Variants in KCNN2 observed in about 807,000 individuals in gnomAD.
KCNN2 encodes the protein small conductance calcium-activated potassium channel protein 2.
Under a neutral mutation model 55.5 loss-of-function variants are expected in KCNN2, and 24 were observed. The ratio of observed to expected loss-of-function variants is 0.43; its 90% confidence interval spans 0.31 to 0.61. KCNN2 has a LOEUF of 0.61. Ranked by LOEUF, KCNN2 falls within the 20% of genes least tolerant of loss-of-function variation. The probability of loss-of-function intolerance (pLI) is 0.08; values close to 1 mark genes in which losing one functional copy is unlikely to be tolerated. For missense variants in KCNN2, 754 were observed against 853.6 expected, an observed-to-expected ratio of 0.88 and a Z score of 1.45; for synonymous variants, 431 against 336.1, an observed-to-expected ratio of 1.28 and a Z score of -3.09.
intron 3 of KCNN2, among the ~76,000 whole-genome samples, chr5:114,420,042 G>C (rs1759427684): frequency 6.6e-6 from 1 of 152,222 alleles, no homozygotes; most frequent in African/African-American, 2.4e-5. Context: ...AATGCAGTAA[G>C]ATATGAAAGA....
chr5:114,321,170 G>A (rs554687285), intron 2 of KCNN2, among the ~76,000 whole-genome samples: 33 of 152,314 alleles, frequency 2.2e-4, no homozygotes, highest in African/African-American at 7.5e-4. Context: ...TGCTGGGGAA[G>A]TCTTGCTTTT....
At chr5:114,170,915 A>C (rs1373363034) in intron 1 of KCNN2, among the ~76,000 whole-genome samples, 1 of 151,930 alleles carries the variant, frequency 6.6e-6, no homozygotes, top group Non-Finnish European at 1.5e-5. Flanking sequence ...CATTATCTCA[A>C]GCTATGCTTT....
rs149811925 is a variant in KCNN2, at chr5:114,413,733, A to C, written c.1637+8877A>C. ...TTAAATTCACGTAGAAAAAACATGA[A>C]AAGCTCAGCAGCTCAGGAATCCAAC... On this transcript the variant is annotated intron_variant, in intron 3 of 7. Transcript: ENST00000673685. Among the ~76,000 whole-genome samples the C allele has an allele frequency of 3.3e-5, 5 of 152,326 alleles. No homozygotes were observed. The East Asian group carries it at 9.6e-4, about 29-fold the overall frequency.
intron 1 of KCNN2, among the ~76,000 whole-genome samples, chr5:114,116,831 A>G (rs934977112): frequency 5.9e-5 from 9 of 152,140 alleles, no homozygotes. Flanking sequence ...TCTTTAAAGA[A>G]TGATTGGATA....
intron 1 of KCNN2, among the ~76,000 whole-genome samples, chr5:114,106,678 T>TTG (rs1174896909): frequency 8.0e-5 from 12 of 150,206 alleles, no homozygotes; most frequent in Non-Finnish European, 1.3e-4. Flanking sequence ...GGATGTCTTT[T>TTG]TGTGTGTGTG....
chr5:114,145,986 C>T (rs1254325194), intron 1 of KCNN2, among the ~76,000 whole-genome samples: 2 of 151,970 alleles, frequency 1.3e-5, no homozygotes, highest in Admixed American at 6.6e-5. Context: ...TTCTCTGTCT[C>T]GTTGTTGCAT....
chr5:114,232,925 G>GTTTTTTTTGTTTTTT lies in KCNN2; in HGVS notation c.-185+11368_-185+11369insGTTTTTTTTTTTTTT, dbSNP rs554932578. Among the ~76,000 whole-genome samples the GTTTTTTTTGTTTTTT allele has an allele frequency of 9.3e-4, 71 of 76,276 alleles. 3 individuals carry two copies. Among genetic ancestry groups the GTTTTTTTTGTTTTTT allele is most frequent in the African/African-American group, 3.2e-3 (70 of 21,882 alleles). 50.0% of individuals were successfully genotyped at this position (76,276 alleles called of 152,430 possible). On this transcript the variant is annotated intron_variant, in intron 2 of 10. Coordinates refer to the KCNN2 transcript ENST00000512097. The stretch of plus-strand genomic sequence containing the variant: ...GAGGTAATTTTTTATATTGTTTCTT[G>GTTTTTTTTGTTTTTT]TTTTTTTTTTTTTGAGACGGAGTCT...
intron 2 of KCNN2, among the ~76,000 whole-genome samples, chr5:114,295,002 C>CT (rs1287872786): frequency 6.6e-6 from 1 of 152,122 alleles, no homozygotes; most frequent in African/African-American, 2.4e-5. Flanking sequence ...CAACCCCTGC[C>CT]TTTTTTTGTT....
chr5:114,310,107 A>T (rs1756365834), intron 2 of KCNN2, among the ~76,000 whole-genome samples: 1 of 152,206 alleles, frequency 6.6e-6, no homozygotes, highest in South Asian at 2.1e-4. Flanking sequence ...TCATAGTGCA[A>T]ATTTTACAAA....
rs1758048158 is a variant in KCNN2, at chr5:114,379,592, CATATT to C, written c.1218+15596_1218+15600del. On this transcript the variant is annotated intron_variant, in intron 2 of 7. Transcript: ENST00000673685. Reference sequence around the variant, plus strand: ...ATATATTATAGAATATATTATATAACATATTATATATTTTAGAATATATTATATAA... The same window carrying C: ...ATATATTATAGAATATATTATATAACATATATTTTAGAATATATTATATAA... 3.7e-5 allele frequency among the ~76,000 whole-genome samples: 3 copies of C among 80,104 alleles called. 1 individual carries two copies. The highest frequency in any genetic ancestry group is 6.4e-5 in the Non-Finnish European group (3 of 46,524). 52.6% of individuals were successfully genotyped at this position (80,104 alleles called of 152,430 possible). A position where few individuals can be genotyped will look rare whatever the true frequency, so the allele number is the denominator to read the frequency against.
intron 2 of KCNN2, among the ~76,000 whole-genome samples, chr5:114,222,705 AAAG>A (rs1366338987): frequency 6.6e-6 from 1 of 152,198 alleles, no homozygotes; most frequent in Non-Finnish European, 1.5e-5. Context: ...TGATTAAAAA[AAAG>A]AAGCTGAATG....
At chr5:114,400,199 G>A (rs1580791824) in intron 2 of KCNN2, among the ~76,000 whole-genome samples, 2 of 152,122 alleles carry the variant, frequency 1.3e-5, no homozygotes, top group Middle Eastern at 6.8e-3. Flanking sequence ...TCCCTAGGTT[G>A]ATGTTAGGTT....
chr5:114,206,096 G>A (rs1753763030), intron 1 of KCNN2, among the ~76,000 whole-genome samples: 1 of 152,136 alleles, frequency 6.6e-6, no homozygotes, highest in Non-Finnish European at 1.5e-5. Context: ...TTGATTGTGT[G>A]TGTGTTCTTT....
At position 114,495,892 on chromosome 5, in the gene KCNN2, C is replaced by G. The variant is rs777642845; in HGVS notation, c.2089-3C>G. The G allele has an allele frequency of 6.2e-7, 1 of 1,610,004 alleles. No homozygotes were observed. The highest frequency in any genetic ancestry group is 8.5e-7 in the Non-Finnish European group (1 of 1,177,118). ...TAACCTTCTTCTCAATCCTGTTTTTCAGACCCAGAACATCATGTATGATAT... is the reference window on the plus strand; with the variant it reads ...TAACCTTCTTCTCAATCCTGTTTTTGAGACCCAGAACATCATGTATGATAT... On this transcript the variant is annotated splice_region_variant and splice_polypyrimidine_tract_variant and intron_variant, in intron 7 of 7. Coordinates refer to ENST00000673685, the MANE Select transcript of KCNN2 (RefSeq NM_021614.4).
At chr5:114,272,408 CATATCTACACACATAT>C (rs1580680289) in intron 2 of KCNN2, among the ~76,000 whole-genome samples, 1 of 16,912 alleles carries the variant, frequency 5.9e-5, no homozygotes, top group African/African-American at 9.0e-5. Context: ...TATGTATGTA[CATATCTACACACATAT>C]GTACGTACAT....
chr5:114,495,592 T>C (rs1165640980), intron 7 of KCNN2, among the ~76,000 whole-genome samples: 1 of 152,202 alleles, frequency 6.6e-6, no homozygotes, highest in Non-Finnish European at 1.5e-5. Flanking sequence ...AAAATACATA[T>C]ATAAATATTC....
intron 2 of KCNN2, among the ~76,000 whole-genome samples, chr5:114,347,157 A>G (rs562094815): frequency 1.6e-4 from 25 of 152,326 alleles, no homozygotes; most frequent in African/African-American, 5.3e-4. Context: ...CATTAGGTAA[A>G]CACCACATTT....
intron 2 of KCNN2, among the ~76,000 whole-genome samples, chr5:114,310,608 T>C (rs1278533043): frequency 6.6e-6 from 1 of 152,062 alleles, no homozygotes; most frequent in Non-Finnish European, 1.5e-5. Context: ...ATTTTTAAAA[T>C]ATGTTCAGAG....
intron 2 of KCNN2, among the ~76,000 whole-genome samples, chr5:114,241,772 A>ATGTGTG (rs1561537118): frequency 2.2e-4 from 3 of 13,478 alleles, no homozygotes; most frequent in Admixed American, 8.9e-4. Flanking sequence ...ACGTATATAT[A>ATGTGTG]TACATATATA....
Sources: allele counts gnomAD v4.1 joint callset (sites outside exome capture counted in the v4.1 genomes callset), GRCh38; gene constraint gnomAD v4.1.1; transcripts MANE v1.5; gene names NCBI Gene and HGNC (gene_info 2026-07-23, HGNC 2026-07-21).